Variants in MSH3 observed in about 807,000 individuals in gnomAD.
MSH3 encodes the protein mutS homolog 3.
Under a neutral mutation model 123.3 loss-of-function variants are expected in MSH3, and 106 were observed. The observed-to-expected ratio is 0.86, with a 90% CI of 0.73 to 1.01. MSH3 has a LOEUF of 1.01. Among genes scored for constraint, MSH3 ranks in the 50% least tolerant of loss-of-function variants. The pLI, the probability that MSH3 is intolerant of heterozygous loss-of-function variation, is 0.00. For synonymous variants in MSH3, 515 were observed against 481.4 expected (o/e 1.07, Z -0.91); for missense variants, 1,459 against 1,347.6 (o/e 1.08, Z -1.29).
chr5:80,839,182 C>G (rs1019837221), intron 20 of MSH3, among the ~76,000 whole-genome samples: 4 of 152,138 alleles, frequency 2.6e-5, no homozygotes, highest in Non-Finnish European at 4.4e-5. Context: ...GCATGGCCAA[C>G]ATACCGAAAC....
At chr5:80,870,198 A>G (rs2112125233) in intron 22 of MSH3, among the ~76,000 whole-genome samples, 1 of 139,520 alleles carries the variant, frequency 7.2e-6, no homozygotes, top group East Asian at 2.1e-4. Context: ...AAAAAAATTC[A>G]TTAACAAATT....
intron 21 of MSH3, among the ~76,000 whole-genome samples, chr5:80,860,695 G>A (rs1746002035): frequency 6.6e-6 from 1 of 151,724 alleles, no homozygotes; most frequent in Non-Finnish European, 1.5e-5. Flanking sequence ...CAGATCTGTG[G>A]TTTTGTGTCT....
At chr5:80,730,891 TA>T (rs1447483238) in intron 10 of MSH3, among the ~76,000 whole-genome samples, 90 of 107,344 alleles carry the variant, frequency 8.4e-4, no homozygotes, top group African/African-American at 2.5e-3. Flanking sequence ...TATATATATA[TA>T]TATTTTTTTT....
intron 20 of MSH3, among the ~76,000 whole-genome samples, chr5:80,850,670 A>T (rs1177526339): frequency 6.6e-6 from 1 of 152,186 alleles, no homozygotes; most frequent in Non-Finnish European, 1.5e-5. Context: ...GTCATCTCTC[A>T]CCAGGTCCCT....
chr5:80,731,448 A>G (rs959582300), intron 10 of MSH3, among the ~76,000 whole-genome samples: 1 of 152,076 alleles, frequency 6.6e-6, no homozygotes, highest in Non-Finnish European at 1.5e-5. Context: ...GCCAAAAGAC[A>G]TAAAGTGCTC....
At chr5:80,731,212 C>T (rs754853583) in intron 10 of MSH3, among the ~76,000 whole-genome samples, 23 of 151,836 alleles carry the variant, frequency 1.5e-4, no homozygotes, top group Non-Finnish European at 2.5e-4. Flanking sequence ...CTGTCTTCCT[C>T]ATATTTAATT....
chr5:80,819,578 C>T (rs1745168605), intron 20 of MSH3, among the ~76,000 whole-genome samples: 1 of 151,534 alleles, frequency 6.6e-6, no homozygotes, highest in Non-Finnish European at 1.5e-5. Flanking sequence ...CCTCCGCCTC[C>T]TGGATTCAAG....
chr5:80,695,085 TTG>T (rs909763578), intron 8 of MSH3, among the ~76,000 whole-genome samples: 2 of 122,602 alleles, frequency 1.6e-5, no homozygotes, highest in African/African-American at 3.4e-5. Context: ...GTTTTTTTTG[TTG>T]TTTTTTTTTT....
chr5:80,654,765 C>A lies in MSH3; in HGVS notation c.38C>A (p.Ala13Asp), dbSNP rs756843242. The A allele has an allele frequency of 6.2e-7, 1 of 1,604,254 alleles. No homozygotes were observed. Among genetic ancestry groups the A allele is most frequent in the South Asian group, 1.1e-5 (1 of 90,418 alleles). ...RRKPASGGLAASSSAPARQAV... is the reference protein window; with the variant it reads ...RRKPASGGLADSSSAPARQAV... ...AAGCCTGCGTCGGGCGGCCTCGCTG[C>A]CTCCAGCTCAGCCCCTGCGAGGCAA... The change falls in exon 1 of 24, where the codon GCC becomes GAC. Residue 13 changes from alanine (A) to aspartate (D), a missense_variant. Coordinates refer to ENST00000265081, the MANE Select transcript of MSH3 (RefSeq NM_002439.5).
chr5:80,724,719 CAAAG>C (rs1743229908), intron 8 of MSH3, among the ~76,000 whole-genome samples: 1 of 152,110 alleles, frequency 6.6e-6, no homozygotes. Context: ...GAAAGTCCCT[CAAAG>C]AAAGAGTTAC....
intron 8 of MSH3, among the ~76,000 whole-genome samples, chr5:80,698,975 TAAAA>T (rs1750547476): frequency 6.6e-6 from 1 of 151,206 alleles, no homozygotes; most frequent in Non-Finnish European, 1.5e-5. Context: ...AAATAAAAAA[TAAAA>T]AGAGAATCAA....
rs775688736 is a variant in MSH3 at position 80,819,370 on chromosome 5, ATATATATGTGTATATATG to A, written c.2813+5649_2813+5666del. Among the ~76,000 whole-genome samples, 3 of 148,356 alleles carry A rather than the reference ATATATATGTGTATATATG, an allele frequency of 2.0e-5. No individual in the cohort carries two copies. The South Asian group carries it at 6.3e-4, about 31-fold the overall frequency. ...TATATATATGTATATATATGTGTGT[ATATATATGTGTATATATG>A]TATATATGTGTATATATGTGTGTAT... On this transcript the variant is annotated intron_variant, in intron 20 of 23. Coordinates refer to ENST00000265081, the MANE Select transcript of MSH3 (RefSeq NM_002439.5).
At chr5:80,733,015 A>G (rs1275085536) in intron 10 of MSH3, among the ~76,000 whole-genome samples, 1 of 152,176 alleles carries the variant, frequency 6.6e-6, no homozygotes, top group Non-Finnish European at 1.5e-5. Context: ...GGAGAAATTG[A>G]CAAGCTGATC....
At chr5:80,873,357 C>G in intron 23 of MSH3, 70 bp downstream of exon 23, 1 of 1,510,636 alleles carries the variant, frequency 6.6e-7, no homozygotes, top group South Asian at 1.2e-5. Flanking sequence ...AAGAGAGGAG[C>G]GTCCTAAAAA....
chr5:80,675,461 C>T (rs911493024), intron 7 of MSH3, among the ~76,000 whole-genome samples: 16 of 151,944 alleles, frequency 1.1e-4, no homozygotes, highest in Admixed American at 7.2e-4. Flanking sequence ...ACAATCATGG[C>T]GAAAGGCGAA....
chr5:80,748,640 G>T (rs189959902), intron 12 of MSH3, among the ~76,000 whole-genome samples: 1 of 146,774 alleles, frequency 6.8e-6, no homozygotes, highest in Non-Finnish European at 1.5e-5. Context: ...TTTTTTTGAG[G>T]TTCTGTCTTT....
At chr5:80,688,024 G>A (rs35820223) in intron 8 of MSH3, among the ~76,000 whole-genome samples, 254 of 152,258 alleles carry the variant, frequency 1.7e-3, no homozygotes, top group African/African-American at 5.7e-3. Context: ...TTTGTCACAC[G>A]TGGTATAACC....
chr5:80,852,745 A>G (rs890714931), intron 20 of MSH3, among the ~76,000 whole-genome samples: 22 of 152,344 alleles, frequency 1.4e-4, no homozygotes, highest in African/African-American at 5.3e-4. Flanking sequence ...ATGTGTTGAC[A>G]TCACATTCCA....
rs763523970 is a variant in MSH3, at chr5:80,854,153, A to C, written c.2837A>C (p.Tyr946Ser). The C allele has an allele frequency of 1.2e-6, 2 of 1,613,704 alleles. No individual in the cohort carries two copies. Among genetic ancestry groups the C allele is most frequent in the East Asian group, 4.5e-5 (2 of 44,812 alleles). Residue 946 changes from tyrosine (Y) to serine (S), a missense_variant, in exon 21 of 24, where the codon TAT becomes TCT. Physicochemically the swap from Tyr to Ser is moderately radical, Grantham distance 144. Coordinates refer to ENST00000265081, the MANE Select transcript of MSH3 (RefSeq NM_002439.5). ...FTRMGAADNI[Y>S]KGQSTFMEEL... The stretch of plus-strand genomic sequence containing the variant: ...AGGATGGGTGCTGCAGACAATATAT[A>C]TAAAGGACAGAGTACATTTATGGAA...
Sources: gnomAD v4.1 joint callset for allele counts (sites outside exome capture counted in the v4.1 genomes callset) on GRCh38, gnomAD v4.1.1 for gene constraint, MANE v1.5 for transcripts, NCBI Gene and HGNC (gene_info 2026-07-23, HGNC 2026-07-21) for gene names.